Variants in ATXN7L1 observed in about 807,000 individuals in gnomAD.
ATXN7L1 encodes the protein ataxin-7-like protein 1.
A neutral mutation model predicts 70.8 loss-of-function variants in ATXN7L1; 15 were observed. The observed-to-expected ratio is 0.21, with a 90% CI of 0.14 to 0.33. The LOEUF is 0.33. Among genes scored for constraint, ATXN7L1 ranks in the 10% least tolerant of loss-of-function variants. ATXN7L1 has a pLI of 1.00. For synonymous variants in ATXN7L1, 440 were observed against 445.1 expected (o/e 0.99, Z 0.14); for missense variants, 975 against 1,097.1 (o/e 0.89, Z 1.57).
chr7:105,816,068 G>A (rs573439769), intron 2 of ATXN7L1, among the ~76,000 whole-genome samples: 1 of 152,288 alleles, frequency 6.6e-6, no homozygotes, highest in Non-Finnish European at 1.5e-5. Context: ...CATGAATTTT[G>A]CCTACCTGTA....
intron 3 of ATXN7L1, among the ~76,000 whole-genome samples, chr7:105,758,782 G>A (rs1800130391): frequency 6.6e-6 from 1 of 152,246 alleles, no homozygotes; most frequent in South Asian, 2.1e-4. Context: ...ATAGACCAGG[G>A]CCTTAGCCTT....
intron 3 of ATXN7L1, among the ~76,000 whole-genome samples, chr7:105,674,234 G>A (rs1454134414): frequency 6.6e-6 from 1 of 152,164 alleles, no homozygotes; most frequent in Non-Finnish European, 1.5e-5. Context: ...GGTCTACACT[G>A]TTCACACCAA....
At chr7:105,664,852 C>T (rs1163895160) in intron 4 of ATXN7L1, among the ~76,000 whole-genome samples, 1 of 152,004 alleles carries the variant, frequency 6.6e-6, no homozygotes, top group Non-Finnish European at 1.5e-5. Flanking sequence ...CAGGTGTGAG[C>T]GTGGCCCATA....
intron 3 of ATXN7L1, among the ~76,000 whole-genome samples, chr7:105,778,380 T>A (rs2015949): frequency 0.61 from 91,292 of 149,174 alleles, 29,830 homozygotes; most frequent in African/African-American, 0.84. Flanking sequence ...ACATGGTGGC[T>A]TATGCCTGTG....
chr7:105,610,511 C>CCA lies in ATXN7L1; in HGVS notation c.2547+16_2547+17dup, dbSNP rs992926948. 2.6e-6 allele frequency: 4 copies of CCA among 1,546,730 alleles called. No homozygotes were observed. In the Admixed American group the frequency reaches 7.9e-5, roughly 30 times the overall value. ...GACCATATGAATTTTTGCCCCACCC[C>CCA]CACCCTCAGTAACTTACCTGTCGGC... On this transcript the variant is annotated intron_variant, in intron 11 of 11. Coordinates refer to ENST00000419735, the MANE Select transcript of ATXN7L1 (RefSeq NM_020725.2).
chr7:105,762,685 T>C (rs1257832590), intron 3 of ATXN7L1, among the ~76,000 whole-genome samples: 1 of 152,174 alleles, frequency 6.6e-6, no homozygotes, highest in Non-Finnish European at 1.5e-5. Context: ...GGCAAGAGTC[T>C]CACTGAGGTG....
intron 3 of ATXN7L1, among the ~76,000 whole-genome samples, chr7:105,727,499 C>A (rs1384620581): frequency 2.0e-5 from 3 of 151,038 alleles, no homozygotes; most frequent in African/African-American, 7.3e-5. Context: ...TGAAACCCCA[C>A]GTCTACTAAC....
At chr7:105,617,542 G>C (rs567077244) in intron 9 of ATXN7L1, among the ~76,000 whole-genome samples, 1 of 152,300 alleles carries the variant, frequency 6.6e-6, no homozygotes, top group Admixed American at 6.5e-5. Flanking sequence ...AGATAGGGCA[G>C]GGGAGAAATA....
intron 2 of ATXN7L1, among the ~76,000 whole-genome samples, chr7:105,803,766 T>C (rs1042037589): frequency 1.3e-5 from 2 of 152,200 alleles, no homozygotes; most frequent in Admixed American, 1.3e-4. Flanking sequence ...TGGCCTAGAC[T>C]TCCCTAATGG....
chr7:105,868,730 C>T (rs1211098306), intron 2 of ATXN7L1, among the ~76,000 whole-genome samples: 1 of 152,098 alleles, frequency 6.6e-6, no homozygotes. Context: ...AATTTTGTAA[C>T]ATGAACATTA....
At chr7:105,693,735 G>A (rs778930560) in intron 3 of ATXN7L1, among the ~76,000 whole-genome samples, 7 of 152,158 alleles carry the variant, frequency 4.6e-5, no homozygotes, top group African/African-American at 9.7e-5. Flanking sequence ...TTCTGGTTAC[G>A]GGGCCACCAG....
At chr7:105,724,424 A>G (rs955246297) in intron 3 of ATXN7L1, among the ~76,000 whole-genome samples, 26 of 151,600 alleles carry the variant, frequency 1.7e-4, no homozygotes, top group Non-Finnish European at 3.4e-4. Context: ...AAATACAAAA[A>G]TTAGCTGGGT....
chr7:105,623,011 T>G (rs551156288), intron 8 of ATXN7L1, among the ~76,000 whole-genome samples: 1 of 152,318 alleles, frequency 6.6e-6, no homozygotes, highest in African/African-American at 2.4e-5. Flanking sequence ...GATGATTAAA[T>G]GACCTTAGCG....
chr7:105,774,110 G>C (rs1448018806), intron 3 of ATXN7L1, among the ~76,000 whole-genome samples: 1 of 152,134 alleles, frequency 6.6e-6, no homozygotes, highest in Non-Finnish European at 1.5e-5. Flanking sequence ...TTGGCCATAA[G>C]GGCTAGAAGT....
intron 5 of ATXN7L1, among the ~76,000 whole-genome samples, chr7:105,642,229 G>A (rs760609302): frequency 6.6e-6 from 1 of 152,204 alleles, no homozygotes; most frequent in Non-Finnish European, 1.5e-5. Flanking sequence ...CAACCAAGGA[G>A]TAGACCCACA....
chr7:105,816,146 C>T (rs576271293), intron 2 of ATXN7L1, among the ~76,000 whole-genome samples: 3 of 152,020 alleles, frequency 2.0e-5, no homozygotes, highest in Non-Finnish European at 4.4e-5. Flanking sequence ...ATTCTTCTAA[C>T]GGGAAGTCAG....
At chr7:105,785,525 T>C (rs1240185566) in intron 3 of ATXN7L1, among the ~76,000 whole-genome samples, 4 of 151,938 alleles carry the variant, frequency 2.6e-5, no homozygotes, top group East Asian at 1.9e-4. Flanking sequence ...TGGCACAGTG[T>C]CTGGCACTCG....
chr7:105,705,251 C>T (rs1793006748), intron 3 of ATXN7L1, among the ~76,000 whole-genome samples: 1 of 152,102 alleles, frequency 6.6e-6, no homozygotes, highest in South Asian at 2.1e-4. Context: ...GTCTTGAACT[C>T]CCAACCTCAG....
intron 3 of ATXN7L1, among the ~76,000 whole-genome samples, chr7:105,681,902 G>A (rs924572015): frequency 3.9e-5 from 6 of 152,110 alleles, no homozygotes; most frequent in African/African-American, 1.4e-4. Context: ...TGTTCAATGG[G>A]TATAGAGTTT....
Sources: gnomAD v4.1 joint callset for allele counts (sites outside exome capture counted in the v4.1 genomes callset) on GRCh38, gnomAD v4.1.1 for gene constraint, MANE v1.5 for transcripts, NCBI Gene and HGNC (gene_info 2026-07-23, HGNC 2026-07-21) for gene names.